Variants in ABCC5 observed in about 807,000 individuals in gnomAD.
ABCC5 encodes the protein ATP-binding cassette sub-family C member 5.
A neutral mutation model predicts 160.9 loss-of-function variants in ABCC5; 61 were observed. The observed-to-expected ratio is 0.38, with a 90% CI of 0.31 to 0.47. The LOEUF (loss-of-function observed/expected upper bound fraction) is 0.47. ABCC5 is among the 20% of genes least tolerant of loss of function. ABCC5 has a pLI of 0.99. For synonymous variants in ABCC5, 666 were observed against 700.6 expected, an observed-to-expected ratio of 0.95 and a Z score of 0.78; for missense variants, 1,308 against 1,813.3, an observed-to-expected ratio of 0.72 and a Z score of 5.06.
At chr3:184,016,663 A>C (rs1371071353) in intron 1 of ABCC5, among the ~76,000 whole-genome samples, 1 of 152,188 alleles carries the variant, frequency 6.6e-6, no homozygotes, top group African/African-American at 2.4e-5. Context: ...GAAGAAAGAG[A>C]AGGGATTTTT....
intron 2 of ABCC5, chr3:184,000,887 T>C (rs573137372): frequency 1.9e-4 from 44 of 234,378 alleles, no homozygotes; most frequent in East Asian, 3.4e-4. Context: ...CACTGTCCAA[T>C]AGAAATATAA....
chr3:184,003,355 T>G (rs1720911577), intron 2 of ABCC5, among the ~76,000 whole-genome samples: 1 of 152,208 alleles, frequency 6.6e-6, no homozygotes, highest in South Asian at 2.1e-4. Context: ...GCACGTTTCC[T>G]CTGCAATTCC....
At chr3:183,954,355 G>A (rs139562748) in intron 17 of ABCC5, among the ~76,000 whole-genome samples, 1 of 152,258 alleles carries the variant, frequency 6.6e-6, no homozygotes, top group East Asian at 1.9e-4. Flanking sequence ...CACCATGTTG[G>A]CCAGGCTGGT....
chr3:184,002,456 G>T (rs368969686), intron 2 of ABCC5, among the ~76,000 whole-genome samples: 9 of 152,144 alleles, frequency 5.9e-5, no homozygotes, highest in Admixed American at 2.6e-4. Flanking sequence ...TTCAGATTCT[G>T]TCAAGGTTCA....
intron 25 of ABCC5, among the ~76,000 whole-genome samples, chr3:183,939,935 C>T (rs535366452): frequency 6.6e-6 from 1 of 152,278 alleles, no homozygotes; most frequent in South Asian, 2.1e-4. Context: ...CTCTTCAGCA[C>T]TCATGGAGGG....
Position 183,987,516 on chromosome 3 carries a change from G to T in ABCC5, c.591+254C>A. On this transcript the variant is annotated intron_variant, in intron 5 of 29. Coordinates refer to ENST00000334444, the MANE Select transcript of ABCC5 (RefSeq NM_005688.4). This position sits in a 1 kb window ranked among gnomAD's most constrained non-coding sequence, Gnocchi z 4.2. Reference sequence around the variant, plus strand: ...ACACACAACCGAGAAGCACAGTCCTGTGCAGAACTGGAGTCAGTTCCATTT... The same window carrying T: ...ACACACAACCGAGAAGCACAGTCCTTTGCAGAACTGGAGTCAGTTCCATTT... 1 of 619,082 alleles carries T rather than the reference G, an allele frequency of 1.6e-6. No homozygotes were observed. Among genetic ancestry groups the T allele is most frequent in the Non-Finnish European group, 2.9e-6 (1 of 346,984 alleles). The allele number at this position is 619,082 out of a possible 1,614,324, so 38.3% of individuals were successfully genotyped here. A position where few individuals can be genotyped will look rare whatever the true frequency, so the allele number is the denominator to read the frequency against.
chr3:183,968,011 T>A (rs917390397), intron 11 of ABCC5, among the ~76,000 whole-genome samples: 3 of 152,146 alleles, frequency 2.0e-5, no homozygotes, highest in Admixed American at 2.0e-4. Flanking sequence ...CATTCCAGTA[T>A]CCCACCGTCA....
At position 183,987,317 on chromosome 3, in the gene ABCC5, C is replaced by A; in HGVS notation, c.591+453G>T. 3.1e-6 allele frequency: 1 copy of A among 320,126 alleles called. No homozygotes were observed. Among genetic ancestry groups the A allele is most frequent in the South Asian group, 4.8e-5 (1 of 20,684 alleles). 19.8% of individuals were successfully genotyped at this position (320,126 alleles called of 1,614,324 possible). ...GTCAGACTCTAAAATCCTCGACAGTCCTCTAGTTTTCTCAGGGCTTATTTG... is the reference window on the plus strand; with the variant it reads ...GTCAGACTCTAAAATCCTCGACAGTACTCTAGTTTTCTCAGGGCTTATTTG... On this transcript the variant is annotated intron_variant, in intron 5 of 29. Coordinates refer to ENST00000334444, the MANE Select transcript of ABCC5 (RefSeq NM_005688.4). This position sits in a 1 kb window ranked among gnomAD's most constrained non-coding sequence, Gnocchi z 4.2.
rs1413369771 is a variant in ABCC5, at chr3:183,949,555, TTC to T, written c.3227+196_3227+197del. On this transcript the variant is annotated intron_variant, in intron 22 of 29. Coordinates refer to ENST00000334444, the MANE Select transcript of ABCC5 (RefSeq NM_005688.4). The surrounding 1 kb of genome is among the most constrained non-coding windows in gnomAD (Gnocchi z 4.2). Reference sequence around the variant, plus strand: ...TGCCGCATGCGGCCCAAATCTGTATTTCTGTTTTCTCACTTGCTCAGAAAGGA... The same window carrying T: ...TGCCGCATGCGGCCCAAATCTGTATTTGTTTTCTCACTTGCTCAGAAAGGA... Among the ~76,000 whole-genome samples, 4 of 152,254 alleles carry T rather than the reference TTC, an allele frequency of 2.6e-5. No homozygotes were observed. Among genetic ancestry groups the T allele is most frequent in the Admixed American group, 6.5e-5 (1 of 15,292 alleles).
chr3:183,992,581 C>T (rs770167121), intron 2 of ABCC5, among the ~76,000 whole-genome samples: 15 of 151,912 alleles, frequency 9.9e-5, no homozygotes, highest in Non-Finnish European at 2.2e-4. Flanking sequence ...GTCAGGAGAT[C>T]GAGACCATCC....
At chr3:183,967,957 T>C (rs983623274) in intron 11 of ABCC5, among the ~76,000 whole-genome samples, 191 bp from the exon 12 acceptor site, 3 of 152,208 alleles carry the variant, frequency 2.0e-5, no homozygotes, top group Admixed American at 6.5e-5. Context: ...ACACCTGAGA[T>C]AACAGGAATG....
intron 17 of ABCC5, among the ~76,000 whole-genome samples, chr3:183,958,795 G>A (rs935057608): frequency 1.3e-4 from 19 of 151,864 alleles, no homozygotes; most frequent in Non-Finnish European, 2.2e-4. Flanking sequence ...GAAGCGGGGC[G>A]TGCCATGTTG....
In ABCC5 at chr3:183,959,771, C is replaced by T; in HGVS notation, c.2444G>A (p.Gly815Glu). The change falls in exon 17 of 30, where the codon GGA (glycine) becomes GAA (glutamate). Residue 815 changes from glycine to glutamate, a missense_variant. This residue lies in a region of ABCC5 where 1,142 missense variants were observed against 1,527.1 expected (regional missense o/e 0.75). Coordinates refer to ENST00000334444, the MANE Select transcript of ABCC5 (RefSeq NM_005688.4). The part of the protein sequence containing the change: ...KKSQDKGPKT[G>E]SVKKEKAVKP... ...TACTGCTTTTTCCTTCTTTACTGAT[C>T]CTGTTTTAGGACCCTTGTCTTGTGA... is the stretch of plus-strand genomic sequence containing the variant. The T allele has an allele frequency of 6.2e-7, 1 of 1,612,950 alleles. No homozygotes were observed. The highest frequency in any genetic ancestry group is 8.5e-7 in the Non-Finnish European group (1 of 1,179,518).
intron 8 of ABCC5, among the ~76,000 whole-genome samples, chr3:183,979,879 C>A (rs1360129585): frequency 6.9e-6 from 1 of 144,002 alleles, no homozygotes; most frequent in South Asian, 2.2e-4. Context: ...CCGGCCAATA[C>A]TTTTTTTTTT....
intron 25 of ABCC5, among the ~76,000 whole-genome samples, chr3:183,939,723 CAAA>C (rs36028898): frequency 2.0e-5 from 3 of 152,100 alleles, no homozygotes; most frequent in African/African-American, 7.2e-5. Context: ...TCTACAGAGC[CAAA>C]AAGAAAAGAA....
intron 20 of ABCC5, among the ~76,000 whole-genome samples, chr3:183,950,830 T>G (rs868015106): frequency 2.0e-5 from 3 of 152,320 alleles, no homozygotes; most frequent in Admixed American, 6.5e-5. Context: ...TGAAGGCAGC[T>G]ACAGTGCAGC....
At chr3:183,937,143 G>A (rs1450078748) in intron 26 of ABCC5, among the ~76,000 whole-genome samples, 1 of 152,118 alleles carries the variant, frequency 6.6e-6, no homozygotes, top group African/African-American at 2.4e-5. Context: ...TTGGGAGGCC[G>A]AGGCGGGTGG....
chr3:183,989,157 CAAAAAAAAAAAAA>C lies in ABCC5; in HGVS notation c.287+56_287+68del, dbSNP rs34892836. 106 of 570,198 alleles carry C rather than the reference CAAAAAAAAAAAAA, an allele frequency of 1.9e-4. 2 individuals carry two copies. The highest frequency in any genetic ancestry group is 2.0e-4 in the Non-Finnish European group (81 of 405,206). The allele number at this position is 570,198 out of a possible 1,614,324, so 35.3% of individuals were successfully genotyped here. A position where few individuals can be genotyped will look rare whatever the true frequency, so the allele number is the denominator to read the frequency against. ...CTGGCGACAGAGCAAGACTCCATCTCAAAAAAAAAAAAAAAAAAAAAAAAAGGCCTTTGATGCT... is the reference window on the plus strand; with the variant it reads ...CTGGCGACAGAGCAAGACTCCATCTCAAAAAAAAAAAAGGCCTTTGATGCT... On this transcript the variant is annotated intron_variant, in intron 3 of 29. Transcript: ENST00000334444.
chr3:184,009,023 ATTTATT>A (rs1721472088), intron 2 of ABCC5, among the ~76,000 whole-genome samples: 1 of 152,042 alleles, frequency 6.6e-6, no homozygotes. Flanking sequence ...TGCCCAGCTA[ATTTATT>A]TTTATTTTTA....
Sources: gnomAD v4.1 joint callset for allele counts (sites outside exome capture counted in the v4.1 genomes callset) on GRCh38, gnomAD v4.1.1 for gene constraint, gnomAD v4.1.1 regional missense constraint, Gnocchi (gnomAD v3.1) non-coding constraint, MANE v1.5 for transcripts, NCBI Gene and HGNC (gene_info 2026-07-23, HGNC 2026-07-21) for gene names.